The following HIPK3 variants were observed in gnomAD, a reference collection of about 807,000 sequenced individuals.
HIPK3 encodes homeodomain-interacting protein kinase 3.
HIPK3 carries 47 observed loss-of-function variants against 124.2 expected under a neutral mutation model. The observed-to-expected ratio is 0.38, with a 90% CI of 0.30 to 0.48. The LOEUF (loss-of-function observed/expected upper bound fraction) is 0.48. HIPK3 is among the 20% of genes least tolerant of loss of function. The probability of loss-of-function intolerance (pLI) is 0.98; values close to 1 mark genes in which losing one functional copy is unlikely to be tolerated. For missense variants in HIPK3, 1,286 were observed against 1,454.3 expected (o/e 0.88, Z 1.88); for synonymous variants, 482 against 515.2 (o/e 0.94, Z 0.87).
At chr11:33,313,396 C>G (rs574381589) in intron 2 of HIPK3, among the ~76,000 whole-genome samples, 1 of 152,206 alleles carries the variant, frequency 6.6e-6, no homozygotes, top group Admixed American at 6.5e-5. Context: ...GACAAATATA[C>G]TGTAGCTATG....
intron 3 of HIPK3, among the ~76,000 whole-genome samples, chr11:33,329,687 A>G (rs906682134): frequency 6.6e-6 from 1 of 152,162 alleles, no homozygotes; most frequent in Non-Finnish European, 1.5e-5. Flanking sequence ...CTCCATGTTC[A>G]GAATTCCACT....
At chr11:33,328,662 T>G (rs757533515) in intron 3 of HIPK3, 29 bp downstream of exon 3, 1 of 1,603,162 alleles carries the variant, frequency 6.2e-7, no homozygotes, top group South Asian at 1.1e-5. Context: ...CTAATAGAAT[T>G]GGTAAAAAGT....
chr11:33,313,080 G>A (rs954136477), intron 2 of HIPK3, among the ~76,000 whole-genome samples: 2 of 152,062 alleles, frequency 1.3e-5, no homozygotes, highest in African/African-American at 2.4e-5. Context: ...TCTAATAAGC[G>A]CTTTGAAAAA....
At chr11:33,347,262 T>C (rs776288501) in intron 8 of HIPK3, 31 bp from the exon 9 acceptor site, 6 of 1,580,116 alleles carry the variant, frequency 3.8e-6, no homozygotes, top group Non-Finnish European at 1.7e-6. Context: ...GAAGATTTTT[T>C]CTTTTATTTG....
In HIPK3 at chr11:33,298,734, C is replaced by T. The variant is rs539766545; in HGVS notation, c.1097+11223C>T. On this transcript the variant is annotated intron_variant, in intron 2 of 16. Coordinates refer to ENST00000303296, the MANE Select transcript of HIPK3 (RefSeq NM_005734.5). ...GTAACTGCAGATATGGTGGAAATAGCAAGAGAACTATTAGTAGAATTAGAA... is the reference window on the plus strand; with the variant it reads ...GTAACTGCAGATATGGTGGAAATAGTAAGAGAACTATTAGTAGAATTAGAA... Among the ~76,000 whole-genome samples the T allele has an allele frequency of 5.3e-5, 8 of 152,258 alleles. No homozygotes were observed. The East Asian group carries it at 7.7e-4, about 15-fold the overall frequency.
chr11:33,276,236 A>G lies in HIPK3; in HGVS notation c.-2-10177A>G, dbSNP rs568259197. On this transcript the variant is annotated intron_variant, in intron 1 of 16. Coordinates refer to ENST00000303296, the MANE Select transcript of HIPK3 (RefSeq NM_005734.5). ...AGGCATGTCCCTTTAACTCTAACTAATTGCATAAAGTAAAGACTGTTCAGT... is the reference window on the plus strand; with the variant it reads ...AGGCATGTCCCTTTAACTCTAACTAGTTGCATAAAGTAAAGACTGTTCAGT... 3.0e-4 allele frequency among the ~76,000 whole-genome samples: 46 copies of G among 152,240 alleles called. No individual in the cohort carries two copies. In the South Asian group the frequency reaches 9.1e-3, roughly 30 times the overall value.
At chr11:33,264,665 A>T (rs527488841) in intron 1 of HIPK3, among the ~76,000 whole-genome samples, 1 of 152,320 alleles carries the variant, frequency 6.6e-6, no homozygotes, top group South Asian at 2.1e-4. Context: ...TGGAAATTTT[A>T]GAAAGTATTT....
At chr11:33,319,549 A>G (rs1238684358) in intron 2 of HIPK3, among the ~76,000 whole-genome samples, 1 of 152,100 alleles carries the variant, frequency 6.6e-6, no homozygotes, top group Non-Finnish European at 1.5e-5. Flanking sequence ...CTCAGTAAAT[A>G]GTATTTTTTT....
chr11:33,275,279 C>T (rs1042918654), intron 1 of HIPK3, among the ~76,000 whole-genome samples: 2 of 152,064 alleles, frequency 1.3e-5, no homozygotes, highest in Non-Finnish European at 2.9e-5. Flanking sequence ...ACCTCGTGAT[C>T]CGCCCGCCTC....
chr11:33,277,463 G>T (rs1165178946), intron 1 of HIPK3, among the ~76,000 whole-genome samples: 1 of 152,040 alleles, frequency 6.6e-6, no homozygotes, highest in Non-Finnish European at 1.5e-5. Flanking sequence ...ATGATGTCTT[G>T]ACCTAACAAT....
chr11:33,336,994 C>A, intron 3 of HIPK3, 81 bp from the exon 4 acceptor site: 1 of 991,188 alleles, frequency 1.0e-6, no homozygotes, highest in Non-Finnish European at 1.5e-6. Flanking sequence ...CATACCTGAC[C>A]TAACATATAG....
chr11:33,342,377 G>A (rs1316375687), intron 8 of HIPK3, among the ~76,000 whole-genome samples: 1 of 151,854 alleles, frequency 6.6e-6, no homozygotes, highest in Non-Finnish European at 1.5e-5. Flanking sequence ...TTAAAATTTT[G>A]GTCAAAAGAG....
intron 1 of HIPK3, among the ~76,000 whole-genome samples, chr11:33,269,378 C>A (rs927599546): frequency 6.6e-6 from 1 of 152,164 alleles, no homozygotes; most frequent in Admixed American, 6.5e-5. Flanking sequence ...TCTTCATTCC[C>A]CCAAGATTAC....
chr11:33,293,550 T>C (rs1383618978), intron 2 of HIPK3, among the ~76,000 whole-genome samples: 1 of 152,138 alleles, frequency 6.6e-6, no homozygotes, highest in Admixed American at 6.6e-5. Flanking sequence ...AGTTTTTTTT[T>C]CACTTAACAT....
chr11:33,344,283 C>T (rs1187743804), intron 8 of HIPK3, among the ~76,000 whole-genome samples: 1 of 152,104 alleles, frequency 6.6e-6, no homozygotes. Flanking sequence ...TGCATTTTCA[C>T]TTAAATTTAT....
chr11:33,332,553 G>C (rs985218275), intron 3 of HIPK3, among the ~76,000 whole-genome samples: 1 of 152,198 alleles, frequency 6.6e-6, no homozygotes, highest in Non-Finnish European at 1.5e-5. Context: ...CAAAATGTTT[G>C]TTGGAGTTTA....
rs761628732 is a variant in HIPK3, at chr11:33,341,616, A to C, written c.1827A>C (p.Ala609=). Reference sequence around the variant, plus strand: ...TGCACCATGGAATACCTCTGCAGGCAGGAACTGCTCAGTTTGGTTGTGGTG... The same window carrying C: ...TGCACCATGGAATACCTCTGCAGGCCGGAACTGCTCAGTTTGGTTGTGGTG... ...SVVHHGIPLQ[A]GTAQFGCGDA... Residue 609 remains alanine (A), a synonymous_variant, in exon 8 of 17, where the codon GCA becomes GCC. Coordinates refer to ENST00000303296, the MANE Select transcript of HIPK3 (RefSeq NM_005734.5). 6.2e-7 allele frequency: 1 copy of C among 1,613,962 alleles called. No homozygotes were observed.
At chr11:33,317,569 T>G (rs1312523914) in intron 2 of HIPK3, among the ~76,000 whole-genome samples, 1 of 152,178 alleles carries the variant, frequency 6.6e-6, no homozygotes, top group African/African-American at 2.4e-5. Flanking sequence ...ACCTGGCCAG[T>G]CTTATTTTAT....
intron 2 of HIPK3, among the ~76,000 whole-genome samples, chr11:33,306,744 G>A (rs1183444168): frequency 6.6e-6 from 1 of 152,114 alleles, no homozygotes; most frequent in Non-Finnish European, 1.5e-5. Flanking sequence ...AGGACATTGT[G>A]TACATTTTAT....
Sources: gnomAD v4.1 joint callset for allele counts (sites outside exome capture counted in the v4.1 genomes callset) on GRCh38, gnomAD v4.1.1 for gene constraint, MANE v1.5 for transcripts, NCBI Gene and HGNC (gene_info 2026-07-23, HGNC 2026-07-21) for gene names.